The following OR51B5 variants were observed in gnomAD, a reference collection of about 807,000 sequenced individuals.
OR51B5 encodes olfactory receptor family 51 subfamily B member 5.
For synonymous variants in OR51B5, 186 were observed against 144.8 expected (o/e 1.28, Z -2.04); for missense variants, 456 against 374.6 (o/e 1.22, Z -1.79).
chr11:5,488,875 G>T (rs781554961), intron 1 of OR51B5: 6 of 1,613,988 alleles, frequency 3.7e-6, no homozygotes, highest in Non-Finnish European at 5.1e-6. Context: ...CATGGACAAT[G>T]CTCTTCATGC....
chr11:5,471,702 C>T (rs1564824545), intron 1 of OR51B5, among the ~76,000 whole-genome samples: 2 of 151,594 alleles, frequency 1.3e-5, no homozygotes, highest in Middle Eastern at 3.2e-3. Flanking sequence ...AACATAAGAG[C>T]TACATGTTTT....
chr11:5,456,948 G>T (rs1434470284), intron 1 of OR51B5, among the ~76,000 whole-genome samples: 1 of 152,166 alleles, frequency 6.6e-6, no homozygotes, highest in African/African-American at 2.4e-5. Flanking sequence ...GACATCAGAT[G>T]TGCCTGCTCC....
intron 1 of OR51B5, among the ~76,000 whole-genome samples, chr11:5,427,318 T>G (rs1850465963): frequency 6.6e-6 from 1 of 152,200 alleles, no homozygotes; most frequent in Non-Finnish European, 1.5e-5. Flanking sequence ...AGTGAGGCGT[T>G]CTCCCTGCCC....
At chr11:5,473,019 C>T (rs1348345481) in intron 1 of OR51B5, among the ~76,000 whole-genome samples, 1 of 152,160 alleles carries the variant, frequency 6.6e-6, no homozygotes, top group African/African-American at 2.4e-5. Context: ...TACTGCCAGA[C>T]CTGGATTCAA....
intron 1 of OR51B5, chr11:5,403,392 C>T (rs1319903592): frequency 2.1e-6 from 1 of 471,266 alleles, no homozygotes; most frequent in African/African-American, 2.0e-5. Flanking sequence ...AGTGCACCGC[C>T]TTGGACATCG....
In OR51B5 at chr11:5,420,283, T is replaced by C. The variant is rs181576574; in HGVS notation, n.85-73373A>G. Among the ~76,000 whole-genome samples, 46 of 152,194 alleles carry C rather than the reference T, an allele frequency of 3.0e-4. No individual in the cohort carries two copies. The East Asian group carries it at 6.4e-3, about 21-fold the overall frequency. On this transcript the variant is annotated intron_variant and non_coding_transcript_variant, in intron 1 of 4. Coordinates refer to the OR51B5 transcript ENST00000415970. ...AGTATGAATGTTTCTACACTGCCAT[T>C]TCCTTATTTGCATAGCATGTTGTCA... is the stretch of plus-strand genomic sequence containing the variant.
intron 1 of OR51B5, among the ~76,000 whole-genome samples, chr11:5,369,758 G>C (rs950062490): frequency 3.9e-5 from 6 of 152,084 alleles, no homozygotes; most frequent in African/African-American, 1.4e-4. Context: ...TTGGCTGGTA[G>C]CAAGGGCTAT....
intron 1 of OR51B5, among the ~76,000 whole-genome samples, chr11:5,399,093 G>C (rs1252071878): frequency 1.3e-5 from 2 of 152,140 alleles, no homozygotes; most frequent in African/African-American, 4.8e-5. Flanking sequence ...TCCTAAATTG[G>C]TGGCAGATGG....
intron 1 of OR51B5, among the ~76,000 whole-genome samples, chr11:5,477,392 C>A (rs1330871033): frequency 6.6e-6 from 1 of 152,180 alleles, no homozygotes; most frequent in Non-Finnish European, 1.5e-5. Flanking sequence ...TGAGGCTCAC[C>A]TCCTTGAAGC....
At chr11:5,425,244 A>C (rs1472453) in intron 1 of OR51B5, among the ~76,000 whole-genome samples, 57 of 152,088 alleles carry the variant, frequency 3.7e-4, no homozygotes, top group Non-Finnish European at 3.7e-4. Context: ...AATTTTTGTC[A>C]ATGTACAGGC....
chr11:5,372,700 C>G (rs549579574), intron 1 of OR51B5, among the ~76,000 whole-genome samples: 1 of 152,186 alleles, frequency 6.6e-6, no homozygotes, highest in Non-Finnish European at 1.5e-5. Context: ...TATTTTCTCC[C>G]AAACTGTTCC....
downstream of OR51B5, chr11:5,340,350 C>A (rs1848875145): frequency 6.6e-6 from 1 of 151,972 alleles, no homozygotes; most frequent in South Asian, 2.1e-4. Context: ...TATTTATTAT[C>A]ATTTCTTTAT....
intron 1 of OR51B5, among the ~76,000 whole-genome samples, chr11:5,366,775 TTAGAA>T (rs1554935299): frequency 6.6e-6 from 1 of 151,988 alleles, no homozygotes; most frequent in Non-Finnish European, 1.5e-5. Context: ...TTCAAAGTCT[TTAGAA>T]TAAAAATTAA....
chr11:5,396,232 G>A (rs1031924430), intron 1 of OR51B5, among the ~76,000 whole-genome samples: 1 of 152,326 alleles, frequency 6.6e-6, no homozygotes, highest in East Asian at 1.9e-4. Context: ...CAATCGGGCA[G>A]GAGAAGGAAA....
intron 1 of OR51B5, among the ~76,000 whole-genome samples, chr11:5,465,312 G>A (rs1398824321): frequency 6.6e-6 from 1 of 150,534 alleles, no homozygotes; most frequent in Non-Finnish European, 1.5e-5. Flanking sequence ...GGTGTGAGAT[G>A]ATATCTCATT....
intron 1 of OR51B5, among the ~76,000 whole-genome samples, chr11:5,427,839 A>T (rs1430797210): frequency 6.6e-6 from 1 of 152,176 alleles, no homozygotes; most frequent in Non-Finnish European, 1.5e-5. Flanking sequence ...TAAACATCAA[A>T]TTTAAATTAT....
intron 1 of OR51B5, among the ~76,000 whole-genome samples, chr11:5,350,917 A>G (rs4439540): frequency 0.27 from 40,305 of 152,038 alleles, 5,589 homozygotes; most frequent in African/African-American, 0.31. Context: ...TCCCTCCAGG[A>G]ATATTGAAGA....
At chr11:5,425,381 G>A (rs1286343234) in intron 1 of OR51B5, among the ~76,000 whole-genome samples, 2 of 152,160 alleles carry the variant, frequency 1.3e-5, no homozygotes, top group African/African-American at 4.8e-5. Flanking sequence ...CAATTTTGTG[G>A]TCAGAGATGA....
intron 1 of OR51B5, chr11:5,403,335 G>T (rs760825807): frequency 2.1e-6 from 1 of 471,526 alleles, no homozygotes; most frequent in African/African-American, 2.0e-5. Flanking sequence ...TGGCTCACAC[G>T]TCTGTGCTGT....
Sources: gnomAD v4.1 joint callset for allele counts (sites outside exome capture counted in the v4.1 genomes callset) on GRCh38, gnomAD v4.1.1 for gene constraint, MANE v1.5 for transcripts, NCBI Gene and HGNC (gene_info 2026-07-23, HGNC 2026-07-21) for gene names.